The following SYBU variants were observed in gnomAD, a reference collection of about 807,000 sequenced individuals.
The protein encoded by SYBU is syntabulin.
In SYBU, 21 loss-of-function variants were observed where a neutral mutation model predicts 35.9. The ratio of observed to expected loss-of-function variants is 0.58; its 90% CI spans 0.41 to 0.84. The LOEUF (loss-of-function observed/expected upper bound fraction) is 0.84. Ranked by LOEUF, SYBU falls within the 40% of genes least tolerant of loss-of-function variation. The pLI is 0.00. For synonymous variants in SYBU, 319 were observed against 324.3 expected (o/e 0.98, Z 0.18); for missense variants, 768 against 848.2 (o/e 0.91, Z 1.17).
At chr8:109,612,129 T>A (rs1323677459) in intron 3 of SYBU, among the ~76,000 whole-genome samples, 1 of 152,210 alleles carries the variant, frequency 6.6e-6, no homozygotes, top group East Asian at 1.9e-4. Flanking sequence ...TGACCTTGGA[T>A]GAGTCACTTA....
intron 6 of SYBU, among the ~76,000 whole-genome samples, 198 bp downstream of exon 6, chr8:109,577,670 G>A (rs1012149810): frequency 9.2e-5 from 14 of 152,158 alleles, no homozygotes; most frequent in Middle Eastern, 3.4e-3. Flanking sequence ...TCTAACCTAC[G>A]GGCCTCCCTG....
intron 2 of SYBU, among the ~76,000 whole-genome samples, chr8:109,631,556 C>G (rs898968140): frequency 6.6e-6 from 1 of 152,160 alleles, no homozygotes; most frequent in Non-Finnish European, 1.5e-5. Flanking sequence ...GAACACGGGC[C>G]GAGTACTTGG....
In SYBU at chr8:109,691,291, C is replaced by T; in HGVS notation, c.-58+42G>A. The T allele has an allele frequency of 1.4e-6, 1 of 697,910 alleles. No individual in the cohort carries two copies. The highest frequency in any genetic ancestry group is 2.6e-6 in the Non-Finnish European group (1 of 382,988). The allele number at this position is 697,910 out of a possible 1,614,324, so 43.2% of individuals were successfully genotyped here. On this transcript the variant is annotated intron_variant, in intron 1 of 7. Coordinates refer to the SYBU transcript ENST00000422135. This position sits in a 1 kb window ranked among gnomAD's most constrained non-coding sequence, Gnocchi z 4.7. Reference sequence around the variant, plus strand: ...ACCATCAGTTGCCCTCCCGTGTCCGCGGGCACTGACAGCAGAGACCGCATA... The same window carrying T: ...ACCATCAGTTGCCCTCCCGTGTCCGTGGGCACTGACAGCAGAGACCGCATA...
At chr8:109,646,184 T>C (rs994817511), upstream of SYBU, 4 of 151,518 alleles carry the variant, frequency 2.6e-5, no homozygotes, top group Non-Finnish European at 5.9e-5. Flanking sequence ...GTATAATGAC[T>C]TATATACCCT....
chr8:109,619,058 T>C lies in SYBU; in HGVS notation c.230-19A>G, dbSNP rs1812140727. Reference sequence around the variant, plus strand: ...GTGTCATCTAGAAGACAGGAATCAATAAGTGTTTAATGATGAGGAGGAAAT... The same window carrying C: ...GTGTCATCTAGAAGACAGGAATCAACAAGTGTTTAATGATGAGGAGGAAAT... On this transcript the variant is annotated intron_variant, in intron 2 of 6. Transcript: ENST00000276646. 1 of 1,601,066 alleles carries C rather than the reference T, an allele frequency of 6.2e-7. No individual in the cohort carries two copies.
At chr8:109,619,104 G>A in intron 2 of SYBU, 65 bp from the exon 3 acceptor site, 1 of 1,298,386 alleles carries the variant, frequency 7.7e-7, no homozygotes, top group South Asian at 1.2e-5. Flanking sequence ...GAGAAGCCAT[G>A]CGGTGCACCA....
chr8:109,663,268 G>A (rs1024577554), intron 1 of SYBU, among the ~76,000 whole-genome samples: 35 of 150,302 alleles, frequency 2.3e-4, no homozygotes, highest in African/African-American at 8.3e-4. Flanking sequence ...CAGATAGATA[G>A]ATAGATAGAT....
At position 109,575,229 on chromosome 8, in the gene SYBU, C is replaced by T. The variant is rs747836406; in HGVS notation, c.1669G>A (p.Val557Met). 7.4e-6 allele frequency: 12 copies of T among 1,614,136 alleles called. No individual in the cohort carries two copies. Among genetic ancestry groups the T allele is most frequent in the East Asian group, 4.5e-5 (2 of 44,874 alleles). Reference protein sequence around the residue: ...NPNSAILLSPVETPYANVDAE... With the variant: ...NPNSAILLSPMETPYANVDAE... ...TCCACATTGGCGTAGGGGGTCTCCA[C>T]GGGAGACAAAAGGATGGCTGAGTTT... Residue 557 changes from valine (V) to methionine (M), a missense_variant, in exon 7 of 7, where the codon GTG (valine) becomes ATG (methionine). By Grantham distance (21) the Val-to-Met change is conservative. Coordinates refer to ENST00000276646, the MANE Select transcript of SYBU (RefSeq NM_001099754.2).
chr8:109,652,394 T>C lies in SYBU; in HGVS notation c.-129+28317A>G, dbSNP rs111433604. Among the ~76,000 whole-genome samples the C allele has an allele frequency of 7.1e-4, 86 of 120,850 alleles. 1 individual carries two copies. Among genetic ancestry groups the C allele is most frequent in the African/African-American group, 5.3e-3 (83 of 15,528 alleles). 79.3% of individuals were successfully genotyped at this position (120,850 alleles called of 152,430 possible). ...TTTTTCTACTCTCTCTCTCTCTCCC[T>C]TTTTTTTCCCTACTTTGAGATACTT... On this transcript the variant is annotated intron_variant, in intron 1 of 5. Coordinates refer to the SYBU transcript ENST00000408889.
intron 1 of SYBU, among the ~76,000 whole-genome samples, chr8:109,652,436 C>T (rs1816186594): frequency 6.6e-6 from 1 of 151,986 alleles, no homozygotes; most frequent in African/African-American, 2.4e-5. Context: ...CCGTCCAGGC[C>T]CCAAGGATTG....
intron 2 of SYBU, among the ~76,000 whole-genome samples, chr8:109,631,043 C>A (rs1368178703): frequency 6.6e-6 from 1 of 152,082 alleles, no homozygotes; most frequent in Admixed American, 6.5e-5. Context: ...TGAAGGCAGA[C>A]AAGGGGAATA....
At chr8:109,644,832 G>C (rs1334825878), upstream of SYBU, 3 of 631,778 alleles carry the variant, frequency 4.7e-6, no homozygotes, top group Non-Finnish European at 4.9e-6. Context: ...TGGGCTCCGA[G>C]GGCACGCCCG....
At chr8:109,598,674 T>C (rs1825163774) in intron 3 of SYBU, among the ~76,000 whole-genome samples, 1 of 152,236 alleles carries the variant, frequency 6.6e-6, no homozygotes, top group Non-Finnish European at 1.5e-5. Flanking sequence ...ATATGGGCAC[T>C]GTAGACTATC....
intron 3 of SYBU, among the ~76,000 whole-genome samples, chr8:109,593,382 A>G (rs1337934078): frequency 6.6e-6 from 1 of 152,212 alleles, no homozygotes; most frequent in Non-Finnish European, 1.5e-5. Flanking sequence ...TTTAATCTAC[A>G]GAATGATCTG....
intron 2 of SYBU, among the ~76,000 whole-genome samples, chr8:109,624,971 T>C (rs1024252249): frequency 6.6e-6 from 1 of 152,178 alleles, no homozygotes; most frequent in African/African-American, 2.4e-5. Context: ...TGGCGCTTTA[T>C]AGAAAAAGTT....
chr8:109,655,499 T>C (rs756248023), intron 1 of SYBU, among the ~76,000 whole-genome samples: 3 of 152,240 alleles, frequency 2.0e-5, no homozygotes, highest in Non-Finnish European at 2.9e-5. Context: ...TTGAAAGGCT[T>C]CTGCCAAAGA....
At chr8:109,629,040 A>T (rs1813294534) in intron 2 of SYBU, among the ~76,000 whole-genome samples, 1 of 152,180 alleles carries the variant, frequency 6.6e-6, no homozygotes, top group African/African-American at 2.4e-5. Flanking sequence ...AATAAGTACA[A>T]AAAGCTCTGA....
chr8:109,642,550 A>G (rs1815026449), intron 2 of SYBU, among the ~76,000 whole-genome samples, 178 bp downstream of exon 2: 2 of 152,236 alleles, frequency 1.3e-5, no homozygotes, highest in Admixed American at 6.5e-5. Flanking sequence ...AATAAACTGA[A>G]CTATATGAAA....
At chr8:109,582,761 G>T (rs1823189894) in intron 4 of SYBU, among the ~76,000 whole-genome samples, 1 of 152,106 alleles carries the variant, frequency 6.6e-6, no homozygotes, top group Admixed American at 6.5e-5. Flanking sequence ...CAGAATAATG[G>T]GGCTTTAAAA....
Sources: allele counts gnomAD v4.1 joint callset (sites outside exome capture counted in the v4.1 genomes callset), GRCh38; gene constraint gnomAD v4.1.1; non-coding constraint Gnocchi (gnomAD v3.1); transcripts MANE v1.5; gene names NCBI Gene and HGNC (gene_info 2026-07-23, HGNC 2026-07-21).